Variants in GRM8 observed in about 807,000 individuals in gnomAD.
GRM8 encodes the protein glutamate metabotropic receptor 8.
In GRM8, 47 loss-of-function variants were observed where a neutral mutation model predicts 87.2. That is an observed-to-expected ratio of 0.54 (90% CI 0.43 to 0.69). The LOEUF is 0.69. Among genes scored for constraint, GRM8 ranks in the 30% least tolerant of loss-of-function variants. GRM8 has a pLI of 0.00. For missense variants in GRM8, 1,019 were observed against 1,139.2 expected, an observed-to-expected ratio of 0.89 and a Z score of 1.52; for synonymous variants, 396 against 404.5, an observed-to-expected ratio of 0.98 and a Z score of 0.25.
chr7:126,579,816 A>G (rs554141931), intron 8 of GRM8, among the ~76,000 whole-genome samples: 20 of 152,252 alleles, frequency 1.3e-4, no homozygotes, highest in South Asian at 6.2e-4. Context: ...CTTAAATAAG[A>G]TATTTATTTA....
At chr7:127,238,037 TC>T (rs1268015592) in intron 2 of GRM8, among the ~76,000 whole-genome samples, 1 of 152,140 alleles carries the variant, frequency 6.6e-6, no homozygotes, top group Non-Finnish European at 1.5e-5. Context: ...AAAGACCCTC[TC>T]CTTTTTAAAT....
At chr7:127,233,398 AT>A (rs1284860867) in intron 2 of GRM8, among the ~76,000 whole-genome samples, 1 of 152,256 alleles carries the variant, frequency 6.6e-6, no homozygotes, top group Non-Finnish European at 1.5e-5. Context: ...AGAAATTTAC[AT>A]CAGTATGACA....
At chr7:126,777,833 A>T (rs915592042) in intron 6 of GRM8, among the ~76,000 whole-genome samples, 2 of 152,176 alleles carry the variant, frequency 1.3e-5, no homozygotes, top group Non-Finnish European at 2.9e-5. Context: ...CCATCCACTT[A>T]TGGAAAAGTT....
intron 6 of GRM8, among the ~76,000 whole-genome samples, chr7:126,865,152 G>C (rs1798482341): frequency 6.6e-6 from 1 of 152,166 alleles, no homozygotes; most frequent in Non-Finnish European, 1.5e-5. Context: ...GATTTCCCAT[G>C]TCAACTTTTG....
chr7:127,075,733 T>G (rs1487714947), intron 3 of GRM8, among the ~76,000 whole-genome samples: 1 of 152,104 alleles, frequency 6.6e-6, no homozygotes, highest in Non-Finnish European at 1.5e-5. Flanking sequence ...TTCTTCCCAT[T>G]ATTGGGGGAG....
chr7:126,853,502 C>T (rs1356906073), intron 6 of GRM8, among the ~76,000 whole-genome samples: 1 of 152,158 alleles, frequency 6.6e-6, no homozygotes, highest in Non-Finnish European at 1.5e-5. Flanking sequence ...GCAGTTAGGA[C>T]TCTTCCTGGA....
intron 9 of GRM8, among the ~76,000 whole-genome samples, chr7:126,481,375 GA>G (rs1437054253): frequency 1.3e-5 from 2 of 151,930 alleles, no homozygotes; most frequent in African/African-American, 4.8e-5. Context: ...AATTACCAAT[GA>G]AAAAATCATA....
At chr7:126,829,168 T>A (rs1385533562) in intron 6 of GRM8, among the ~76,000 whole-genome samples, 1 of 149,980 alleles carries the variant, frequency 6.7e-6, no homozygotes, top group East Asian at 1.9e-4. Flanking sequence ...CTGAAAAAAA[T>A]GTATATTCTG....
intron 6 of GRM8, among the ~76,000 whole-genome samples, chr7:126,861,513 GTATTTGA>G (rs1386312672): frequency 6.6e-6 from 1 of 151,754 alleles, no homozygotes; most frequent in African/African-American, 2.4e-5. Flanking sequence ...CCCACCACTA[GTATTTGA>G]TAATTTCCAA....
chr7:127,221,549 C>T (rs1412490476), intron 2 of GRM8, among the ~76,000 whole-genome samples: 2 of 152,246 alleles, frequency 1.3e-5, no homozygotes, highest in African/African-American at 4.8e-5. Context: ...AGGAAGAACA[C>T]ACCCTGCTAT....
At chr7:126,522,512 C>T (rs1584929641) in intron 9 of GRM8, among the ~76,000 whole-genome samples, 1 of 152,240 alleles carries the variant, frequency 6.6e-6, no homozygotes, top group Middle Eastern at 3.4e-3. Flanking sequence ...TTATAGTAAT[C>T]ATATAATTTT....
At chr7:126,920,423 A>G (rs1208311723) in intron 3 of GRM8, among the ~76,000 whole-genome samples, 2 of 152,210 alleles carry the variant, frequency 1.3e-5, no homozygotes, top group South Asian at 2.1e-4. Flanking sequence ...CAATGTTTTG[A>G]AAGCTGAAAA....
At chr7:127,081,478 T>C (rs1293922010) in intron 3 of GRM8, among the ~76,000 whole-genome samples, 1 of 152,212 alleles carries the variant, frequency 6.6e-6, no homozygotes, top group East Asian at 1.9e-4. Context: ...GGTACATCTT[T>C]GCCCTGTATT....
At chr7:126,443,104 G>A (rs1304970488) in intron 10 of GRM8, among the ~76,000 whole-genome samples, 2 of 151,960 alleles carry the variant, frequency 1.3e-5, no homozygotes, top group East Asian at 3.9e-4. Flanking sequence ...ATCACACTGT[G>A]TTCATAAGCT....
intron 6 of GRM8, among the ~76,000 whole-genome samples, chr7:126,822,730 C>T (rs1361496112): frequency 1.3e-5 from 2 of 152,156 alleles, no homozygotes; most frequent in Admixed American, 6.6e-5. Flanking sequence ...TCTCTTAGTG[C>T]TTTCCTCAGT....
chr7:126,594,465 T>C (rs1281423236), intron 8 of GRM8, among the ~76,000 whole-genome samples: 2 of 152,076 alleles, frequency 1.3e-5, no homozygotes, highest in African/African-American at 4.8e-5. Context: ...GGACATTATG[T>C]TGAGTAAAAT....
intron 2 of GRM8, among the ~76,000 whole-genome samples, chr7:127,200,762 G>C (rs1379894096): frequency 1.3e-5 from 2 of 152,166 alleles, no homozygotes; most frequent in Non-Finnish European, 2.9e-5. Context: ...ATGAGTCATT[G>C]GATTAGGGCC....
chr7:126,982,778 C>T (rs1379944197), intron 3 of GRM8, among the ~76,000 whole-genome samples: 2 of 152,176 alleles, frequency 1.3e-5, no homozygotes, highest in African/African-American at 4.8e-5. Flanking sequence ...TCTTCTACTA[C>T]CCATTCTGTA....
intron 9 of GRM8, among the ~76,000 whole-genome samples, chr7:126,482,977 ACC>A (rs1806880413): frequency 6.6e-6 from 1 of 151,098 alleles, no homozygotes; most frequent in Admixed American, 6.6e-5. Context: ...TTGACAGGGT[ACC>A]CACACTAAGA....
Sources: gnomAD v4.1 joint callset for allele counts (sites outside exome capture counted in the v4.1 genomes callset) on GRCh38, gnomAD v4.1.1 for gene constraint, MANE v1.5 for transcripts, NCBI Gene and HGNC (gene_info 2026-07-23, HGNC 2026-07-21) for gene names.